The following SLC12A7 variants were observed in gnomAD, a reference collection of about 807,000 sequenced individuals.
The protein encoded by SLC12A7 is K-Cl cotransporter 4.
In SLC12A7, 100 loss-of-function variants were observed where a neutral mutation model predicts 120.6. That is an observed-to-expected ratio of 0.83 (90% CI 0.71 to 0.98). The LOEUF (loss-of-function observed/expected upper bound fraction) is 0.98, where lower values mean the gene tolerates loss of function less well. Among genes scored for constraint, SLC12A7 ranks in the 50% least tolerant of loss-of-function variants. The pLI is 0.00. For synonymous variants in SLC12A7, 760 were observed against 678.0 expected, an observed-to-expected ratio of 1.12 and a Z score of -1.88; for missense variants, 1,373 against 1,548.1, an observed-to-expected ratio of 0.89 and a Z score of 1.90.
At chr5:1,060,581 GC>G (rs1230281089) in intron 20 of SLC12A7, 130 bp from the exon 21 acceptor site, 1 of 666,310 alleles carries the variant, frequency 1.5e-6, no homozygotes. Flanking sequence ...GGCCCCACAG[GC>G]CCCCTCTGGC....
At chr5:1,147,203 G>A in the SLC12A7 span, among the ~76,000 whole-genome samples, 2 of 151,712 alleles carry the variant, frequency 1.3e-5, no homozygotes, top group Non-Finnish European at 2.9e-5. Flanking sequence ...AAATTCCCAC[G>A]GTGACAGAAG....
intron 21 of SLC12A7, among the ~76,000 whole-genome samples, chr5:1,059,059 C>G (rs1041518373): frequency 6.6e-6 from 1 of 152,354 alleles, no homozygotes; most frequent in Middle Eastern, 3.4e-3. Context: ...TAGCTGGACC[C>G]GGGCTGAACC....
Position 1,059,736 on chromosome 5 carries a change from C to T in SLC12A7, c.2847+608G>A, listed in dbSNP as rs139163347. ...CAGCCAGGCGGCCAGCTTCCACGCACGGAGGCTGCACAGGTCTGTGTCGGG... is the reference window on the plus strand; with the variant it reads ...CAGCCAGGCGGCCAGCTTCCACGCATGGAGGCTGCACAGGTCTGTGTCGGG... On this transcript the variant is annotated intron_variant, in intron 21 of 23. Coordinates refer to ENST00000264930, the MANE Select transcript of SLC12A7 (RefSeq NM_006598.3). Among the ~76,000 whole-genome samples the T allele has an allele frequency of 5.3e-3, 707 of 133,140 alleles. 7 individuals are homozygous for T. Among genetic ancestry groups the T allele is most frequent in the African/African-American group, 0.02 (674 of 34,088 alleles). 87.3% of individuals were successfully genotyped at this position (133,140 alleles called of 152,430 possible).
At chr5:1,108,618 T>C (rs1742746475) in intron 1 of SLC12A7, among the ~76,000 whole-genome samples, 1 of 152,146 alleles carries the variant, frequency 6.6e-6, no homozygotes, top group Non-Finnish European at 1.5e-5. Flanking sequence ...GGACGCTCTG[T>C]GTGTGGTCCC....
intron 22 of SLC12A7, among the ~76,000 whole-genome samples, chr5:1,055,950 C>T (rs570828520): frequency 2.0e-5 from 3 of 152,332 alleles, no homozygotes; most frequent in Non-Finnish European, 1.5e-5. Flanking sequence ...GTTCCTCACT[C>T]AGGCACCAGG....
chr5:1,076,820 G>A lies in SLC12A7; in HGVS notation c.1630-8C>T. ...CTTCCCGTGGCCAAACACCTGCAGG[G>A]AGAAGGGCAGGAAGATGGGGCAGAT... On this transcript the variant is annotated splice_region_variant and splice_polypyrimidine_tract_variant and intron_variant, in intron 12 of 23. Transcript: ENST00000264930. 5 of 1,590,736 alleles carry A rather than the reference G, an allele frequency of 3.1e-6. No homozygotes were observed. In the Middle Eastern group the frequency reaches 8.3e-4, roughly 264 times the overall value.
At chr5:1,149,259 C>G in the SLC12A7 span, among the ~76,000 whole-genome samples, 40 of 152,166 alleles carry the variant, frequency 2.6e-4, 1 homozygote, top group South Asian at 8.1e-3. Context: ...AACATCCTCA[C>G]CAACACGGTA....
the SLC12A7 span, among the ~76,000 whole-genome samples, chr5:1,119,799 C>T: frequency 3.3e-5 from 5 of 152,262 alleles, no homozygotes; most frequent in African/African-American, 1.2e-4. Flanking sequence ...TGGGGTCCAC[C>T]GGCGCTGTCC....
rs762554473 is a variant in SLC12A7, at chr5:1,064,146, C to T, written c.2544G>A (p.Val848=). ...TGCCGCCGTCGTGCACGATCCACCA[C>T]ACGTCGATGTGGCCCCCGCCGAAGC... ...QERFGGGHID[V]WWIVHDGGML... The change falls in exon 19 of 24, where the codon GTG becomes GTA. Residue 848 remains valine (V), a synonymous_variant. Coordinates refer to ENST00000264930, the MANE Select transcript of SLC12A7 (RefSeq NM_006598.3). 6.2e-7 allele frequency: 1 copy of T among 1,612,118 alleles called. No homozygotes were observed. Among genetic ancestry groups the T allele is most frequent in the Non-Finnish European group, 8.5e-7 (1 of 1,179,582 alleles).
chr5:1,137,641 G>A, the SLC12A7 span, among the ~76,000 whole-genome samples: 1 of 152,346 alleles, frequency 6.6e-6, no homozygotes, highest in Admixed American at 6.5e-5. Context: ...CCTGGACTTG[G>A]CAAACAGGGC....
rs1028280476 is a variant in SLC12A7, at chr5:1,112,060, G to C, written c.-69C>G. ...TGCGCCGCTCCCGCCGACGCCACGGGACTTGGAGGCAGGGGCGGGGTCCGA... is the reference window on the plus strand; with the variant it reads ...TGCGCCGCTCCCGCCGACGCCACGGCACTTGGAGGCAGGGGCGGGGTCCGA... On this transcript the variant is annotated 5_prime_UTR_variant, in exon 1 of 24. Transcript: ENST00000264930. The C allele has an allele frequency of 3.3e-6, 4 of 1,202,882 alleles. No individual in the cohort carries two copies. Among genetic ancestry groups the C allele is most frequent in the Non-Finnish European group, 3.1e-6 (3 of 968,610 alleles). The allele number at this position is 1,202,882 out of a possible 1,614,324, so 74.5% of individuals were successfully genotyped here. A position where few individuals can be genotyped will look rare whatever the true frequency, so the allele number is the denominator to read the frequency against.
At chr5:1,084,605 G>A (rs917519788) in intron 7 of SLC12A7, among the ~76,000 whole-genome samples, 1 of 152,228 alleles carries the variant, frequency 6.6e-6, no homozygotes, top group African/African-American at 2.4e-5. Context: ...CCGAGGGGGA[G>A]GGCAGCTGTG....
intron 20 of SLC12A7, among the ~76,000 whole-genome samples, chr5:1,063,170 G>C (rs1054257130): frequency 2.6e-5 from 4 of 152,182 alleles, no homozygotes; most frequent in Non-Finnish European, 2.9e-5. Flanking sequence ...GTGAAGGACG[G>C]GACGAGTCTC....
intron 1 of SLC12A7, among the ~76,000 whole-genome samples, chr5:1,098,903 C>T (rs1741688118): frequency 6.6e-6 from 1 of 151,866 alleles, no homozygotes; most frequent in Non-Finnish European, 1.5e-5. Context: ...CCGAGCCCTG[C>T]CTGTGTTTTG....
chr5:1,069,569 A>T (rs538644500), intron 17 of SLC12A7, among the ~76,000 whole-genome samples: 33 of 152,314 alleles, frequency 2.2e-4, no homozygotes, highest in African/African-American at 7.9e-4. Flanking sequence ...TAGGCCCCAC[A>T]GACTCCCACA....
chr5:1,148,099 C>G, the SLC12A7 span, among the ~76,000 whole-genome samples: 3 of 152,140 alleles, frequency 2.0e-5, no homozygotes, highest in African/African-American at 4.8e-5. Flanking sequence ...CTCAGGCCCT[C>G]CTGAAGCTGT....
intron 11 of SLC12A7, 85 bp from the exon 12 acceptor site, chr5:1,078,092 G>T (rs1738580049): frequency 6.9e-7 from 1 of 1,447,088 alleles, no homozygotes; most frequent in Non-Finnish European, 9.1e-7. Context: ...CAGAGCGAGG[G>T]GCCCAGTGCA....
chr5:1,068,649 G>A (rs866821152), intron 17 of SLC12A7, among the ~76,000 whole-genome samples: 6 of 152,248 alleles, frequency 3.9e-5, no homozygotes, highest in Middle Eastern at 3.2e-3. Context: ...AGCAGCGGGG[G>A]CAGGGTGCGC....
intron 4 of SLC12A7, among the ~76,000 whole-genome samples, chr5:1,088,677 T>C (rs1740154569): frequency 6.6e-6 from 1 of 152,214 alleles, no homozygotes; most frequent in African/African-American, 2.4e-5. Context: ...TGCCGCCCCA[T>C]GACACCCACC....
Sources: allele counts gnomAD v4.1 joint callset (sites outside exome capture counted in the v4.1 genomes callset), GRCh38; gene constraint gnomAD v4.1.1; transcripts MANE v1.5; gene names NCBI Gene and HGNC (gene_info 2026-07-23, HGNC 2026-07-21).